The following ABCG5 variants were observed in gnomAD, a reference collection of about 807,000 sequenced individuals.
ABCG5 encodes the protein ATP binding cassette subfamily G member 5, also known as ATP-binding cassette sub-family G member 5.
Under a neutral mutation model 64.5 loss-of-function variants are expected in ABCG5, and 64 were observed. That is an observed-to-expected ratio of 0.99 (90% CI 0.81 to 1.22). The LOEUF (loss-of-function observed/expected upper bound fraction) is 1.22, where lower values mean the gene tolerates loss of function less well. Among genes scored for constraint, ABCG5 ranks in the 50% most tolerant of loss-of-function variants. The pLI is 0.00. For synonymous variants in ABCG5, 385 were observed against 326.3 expected (o/e 1.18, Z -1.94); for missense variants, 908 against 829.5 (o/e 1.09, Z -1.16).
intron 2 of ABCG5, chr2:43,832,333 C>T (rs1349304317): frequency 5.0e-6 from 3 of 594,474 alleles, no homozygotes; most frequent in Non-Finnish European, 9.0e-6. Flanking sequence ...CCATTTCTCT[C>T]ATCTGGGTCA....
At chr2:43,834,284 GCTGCAAATATC>G (rs1348542432) in intron 2 of ABCG5, among the ~76,000 whole-genome samples, 1 of 152,188 alleles carries the variant, frequency 6.6e-6, no homozygotes, top group African/African-American at 2.4e-5. Flanking sequence ...TCTGGCAGAA[GCTGCAAATATC>G]CTGCAGCCTG....
intron 4 of ABCG5, among the ~76,000 whole-genome samples, chr2:43,831,427 C>A (rs939446706): frequency 6.6e-6 from 1 of 152,232 alleles, no homozygotes; most frequent in Non-Finnish European, 1.5e-5. Context: ...CCCATCTTGG[C>A]CTTCCAAAGT....
intron 11 of ABCG5, among the ~76,000 whole-genome samples, chr2:43,815,996 T>A (rs10208987): frequency 2.6e-5 from 4 of 151,098 alleles, no homozygotes; most frequent in African/African-American, 9.8e-5. Flanking sequence ...GGCCATGAGA[T>A]GGTGGCTGCC....
intron 9 of ABCG5, 118 bp from the exon 10 acceptor site, chr2:43,823,053 G>T (rs1364796223): frequency 1.4e-6 from 2 of 1,411,328 alleles, no homozygotes; most frequent in Admixed American, 2.0e-5. Context: ...AGCTAGGGGG[G>T]TTCCCTAGTC....
intron 4 of ABCG5, among the ~76,000 whole-genome samples, chr2:43,831,559 T>A (rs1017863070): frequency 3.3e-5 from 5 of 152,190 alleles, no homozygotes; most frequent in African/African-American, 9.7e-5. Context: ...TCAGAGCACG[T>A]TTCAGTCTGG....
chr2:43,831,370 G>A (rs1244856532), intron 4 of ABCG5, among the ~76,000 whole-genome samples: 3 of 151,958 alleles, frequency 2.0e-5, no homozygotes, highest in South Asian at 2.1e-4. Flanking sequence ...ACTGAGTCTC[G>A]CTATGTTGCC....
downstream of ABCG5, among the ~76,000 whole-genome samples, chr2:43,807,990 G>C (rs1666332044): frequency 1.3e-5 from 2 of 152,018 alleles, no homozygotes; most frequent in Admixed American, 1.3e-4. Context: ...TTTTCTCACA[G>C]TCTGCTGTCT....
intron 6 of ABCG5, 89 bp downstream of exon 6, chr2:43,826,293 C>A: frequency 6.3e-7 from 1 of 1,592,322 alleles, no homozygotes; most frequent in South Asian, 1.1e-5. Context: ...AGCCACTGTG[C>A]CTGGCCACTG....
chr2:43,834,368 T>C (rs1431686339), intron 2 of ABCG5, among the ~76,000 whole-genome samples: 2 of 152,216 alleles, frequency 1.3e-5, no homozygotes, highest in East Asian at 1.9e-4. Context: ...CACTTTATTG[T>C]TGCCAAATCC....
downstream of ABCG5, among the ~76,000 whole-genome samples, chr2:43,809,213 A>C (rs772788814): frequency 4.6e-5 from 7 of 152,056 alleles, no homozygotes; most frequent in Non-Finnish European, 8.8e-5. Context: ...GCTGGTCTCA[A>C]ATTCCTGGGC....
At position 43,824,236 on chromosome 2, in the gene ABCG5, T is replaced by G. The variant is rs1395776570; in HGVS notation, c.1101A>C (p.Lys367Asn). ...KTKDSPGVFS[K>N]LGVLLRRVTR... ...CCTCTTACCTCAGGAGAACACCCAG[T>G]TTAGAGAAAACTCCAGGAGAATCTT... Residue 367 changes from lysine to asparagine, a missense_variant, in exon 8 of 13, where the codon AAA becomes AAC. By Grantham distance (94) the Lys-to-Asn change is moderately conservative. Transcript: ENST00000405322. The G allele has an allele frequency of 1.9e-6, 3 of 1,614,096 alleles. No homozygotes were observed. The Admixed American group carries it at 5.0e-5, about 27-fold the overall frequency.
In ABCG5 at chr2:43,818,008, C is replaced by T. The variant is rs532216247; in HGVS notation, c.1649+1907G>A. Among the ~76,000 whole-genome samples the T allele has an allele frequency of 4.6e-5, 7 of 152,210 alleles. No individual in the cohort carries two copies. In the South Asian group the frequency reaches 1.2e-3, roughly 27 times the overall value. On this transcript the variant is annotated intron_variant, in intron 11 of 12. Coordinates refer to ENST00000405322, the MANE Select transcript of ABCG5 (RefSeq NM_022436.3). Reference sequence around the variant, plus strand: ...CCTTAAATGTGCTCAGAAAGCTTAACGTTAACCTACAGTTGGGAAAAATCA... The same window carrying T: ...CCTTAAATGTGCTCAGAAAGCTTAATGTTAACCTACAGTTGGGAAAAATCA...
At chr2:43,822,545 T>C (rs1043201465) in intron 10 of ABCG5, 3 of 979,892 alleles carry the variant, frequency 3.1e-6, no homozygotes, top group Non-Finnish European at 3.6e-6. Context: ...GGCCCTGCCG[T>C]GAATGTGGGA....
In ABCG5 at chr2:43,816,247, G is replaced by T. The variant is rs527772586; in HGVS notation, c.1650-1658C>A. ...GGTCCAAGGCCTAATTGGGCTGGCT[G>T]CTGAGAGGGTCTAAAATGATGAATG... On this transcript the variant is annotated intron_variant, in intron 11 of 12. Transcript: ENST00000405322. Among the ~76,000 whole-genome samples the T allele has an allele frequency of 2.2e-4, 33 of 152,354 alleles. No individual in the cohort carries two copies. In the South Asian group the frequency reaches 6.8e-3, roughly 32 times the overall value.
intron 6 of ABCG5, 22 bp from the exon 7 acceptor site, chr2:43,825,040 T>TTA: frequency 6.2e-7 from 1 of 1,612,490 alleles, no homozygotes; most frequent in African/African-American, 1.3e-5. Flanking sequence ...ACAGACGTAG[T>TTA]TAGTGTGTGA....
chr2:43,817,013 A>T (rs577670087), intron 11 of ABCG5, among the ~76,000 whole-genome samples: 3 of 152,330 alleles, frequency 2.0e-5, no homozygotes, highest in Non-Finnish European at 4.4e-5. Flanking sequence ...TTCACCCAGA[A>T]AGATGATGAC....
chr2:43,813,708 C>CT (rs1558715512), intron 12 of ABCG5, among the ~76,000 whole-genome samples: 73 of 35,292 alleles, frequency 2.1e-3, no homozygotes, highest in South Asian at 5.4e-3. Flanking sequence ...TTTTTTTTTT[C>CT]GTTTTTTTTT....
Position 43,826,477 on chromosome 2 carries a change from T to G in ABCG5, c.679A>C (p.Thr227Pro). 6.2e-7 allele frequency: 1 copy of G among 1,614,142 alleles called. No homozygotes were observed. The highest frequency in any genetic ancestry group is 8.5e-7 in the Non-Finnish European group (1 of 1,180,036). Residue 227 changes from threonine (T) to proline (P), a missense_variant, in exon 6 of 13, where the codon ACT becomes CCT. Physicochemically the swap from Thr to Pro is conservative, Grantham distance 38. Transcript: ENST00000405322. Reference protein sequence around the residue: ...DEPTTGLDCMTANQIVVLLVE... With the variant: ...DEPTTGLDCMPANQIVVLLVE... Reference sequence around the variant, plus strand: ...AGGAGGACGACAATCTGATTAGCAGTCATGCAGTCCAGGCCTGTGGTTGGC... The same window carrying G: ...AGGAGGACGACAATCTGATTAGCAGGCATGCAGTCCAGGCCTGTGGTTGGC...
At chr2:43,828,313 G>C (rs1383756252) in intron 4 of ABCG5, 198 bp from the exon 5 acceptor site, 2 of 708,596 alleles carry the variant, frequency 2.8e-6, no homozygotes, top group Non-Finnish European at 4.7e-6. Context: ...ACATGTGTCA[G>C]ATTTAAATAA....
Sources: gnomAD v4.1 joint callset for allele counts (sites outside exome capture counted in the v4.1 genomes callset) on GRCh38, gnomAD v4.1.1 for gene constraint, MANE v1.5 for transcripts, NCBI Gene and HGNC (gene_info 2026-07-23, HGNC 2026-07-21) for gene names.